SPTA1: variants seen among roughly 807,000 people sequenced by gnomAD.
The protein encoded by SPTA1 is spectrin alpha chain, erythrocytic 1.
SPTA1 carries 177 observed loss-of-function variants against 324.7 expected under a neutral mutation model. That is an observed-to-expected ratio of 0.55 (90% CI 0.48 to 0.62). The LOEUF (loss-of-function observed/expected upper bound fraction) is 0.62. Among genes scored for constraint, SPTA1 ranks in the 20% least tolerant of loss-of-function variants. The pLI, the probability that SPTA1 is intolerant of heterozygous loss-of-function variation, is 0.00. For synonymous variants in SPTA1, 1,195 were observed against 1,041.3 expected (o/e 1.15, Z -2.84); for missense variants, 3,162 against 2,883.6 (o/e 1.10, Z -2.21).
rs148156245 is a variant in SPTA1 at position 158,669,796 on chromosome 1, T to G, written c.1600-10A>C. ...CAGTCTTGTCTACAGTCTGAAAAAA[T>G]AAAAATAAAAATGAATGCTTTTCCT... On this transcript the variant is annotated splice_polypyrimidine_tract_variant and intron_variant, in intron 12 of 51. Transcript: ENST00000643759. 6.2e-7 allele frequency: 1 copy of G among 1,613,448 alleles called. No individual in the cohort carries two copies. The highest frequency in any genetic ancestry group is 8.5e-7 in the Non-Finnish European group (1 of 1,179,554).
Position 158,630,053 on chromosome 1 carries a change from T to C in SPTA1, c.5566-2330A>G, listed in dbSNP as rs943915386. 5.9e-5 allele frequency among the ~76,000 whole-genome samples: 9 copies of C among 152,094 alleles called. No individual in the cohort carries two copies. In the East Asian group the frequency reaches 1.7e-3, roughly 29 times the overall value. The stretch of plus-strand genomic sequence containing the variant: ...GTTCATGGATTAGAAGATTTAATAT[T>C]GTTAAAATGTGAATACTACCCAAAG... On this transcript the variant is annotated intron_variant, in intron 39 of 51. Transcript: ENST00000643759.
At chr1:158,616,971 C>T (rs770100767) in intron 47 of SPTA1, among the ~76,000 whole-genome samples, 14 of 151,816 alleles carry the variant, frequency 9.2e-5, no homozygotes, top group Non-Finnish European at 1.5e-4. Context: ...ATCGTATTCT[C>T]TAGTATTTCA....
In SPTA1 at chr1:158,659,832, G is replaced by A. The variant is rs1215249768; in HGVS notation, c.2587+1455C>T. Among the ~76,000 whole-genome samples, 13 of 62,672 alleles carry A rather than the reference G, an allele frequency of 2.1e-4. 3 individuals are homozygous for A. In the East Asian group the frequency reaches 2.3e-3, roughly 11 times the overall value. The allele number at this position is 62,672 out of a possible 152,430, so 41.1% of individuals were successfully genotyped here. ...TCACCTTGTTAGCCAGGATGGTCTC[G>A]ATCTCCTGACCTCATGATCCACTCG... On this transcript the variant is annotated intron_variant, in intron 18 of 51. Coordinates refer to ENST00000643759, the MANE Select transcript of SPTA1 (RefSeq NM_003126.4).
intron 33 of SPTA1, 66 bp downstream of exon 33, chr1:158,642,345 A>G: frequency 6.6e-7 from 1 of 1,505,418 alleles, no homozygotes; most frequent in Non-Finnish European, 8.9e-7. Context: ...TAAATTAAAA[A>G]AAAAGAAAGA....
chr1:158,671,237 G>T, intron 12 of SPTA1, 106 bp downstream of exon 12: 1 of 784,476 alleles, frequency 1.3e-6, no homozygotes, highest in Non-Finnish European at 2.2e-6. Context: ...ATAATCCTCA[G>T]GCTATGTCTG....
chr1:158,631,066 A>C (rs1294381999), intron 39 of SPTA1, among the ~76,000 whole-genome samples: 2 of 152,122 alleles, frequency 1.3e-5, no homozygotes, highest in East Asian at 3.9e-4. Context: ...AACAGTATGG[A>C]GATTCCTTAA....
intron 16 of SPTA1, among the ~76,000 whole-genome samples, chr1:158,663,455 C>T (rs759071891): frequency 5.9e-5 from 9 of 152,144 alleles, no homozygotes; most frequent in Admixed American, 2.0e-4. Flanking sequence ...ATAAATTTAA[C>T]GGAGTGCCTT....
At chr1:158,632,399 T>A (rs1557935713) in intron 39 of SPTA1, among the ~76,000 whole-genome samples, 1 of 152,198 alleles carries the variant, frequency 6.6e-6, no homozygotes, top group Non-Finnish European at 1.5e-5. Context: ...CAATAATATG[T>A]TATACACGTA....
chr1:158,655,498 T>A (rs947771027), intron 20 of SPTA1, among the ~76,000 whole-genome samples: 1 of 152,144 alleles, frequency 6.6e-6, no homozygotes, highest in Non-Finnish European at 1.5e-5. Context: ...TTTCATCTCC[T>A]TTAGGTAACA....
intron 35 of SPTA1, among the ~76,000 whole-genome samples, chr1:158,638,467 G>A (rs551268755): frequency 5.9e-5 from 9 of 152,206 alleles, no homozygotes; most frequent in African/African-American, 2.2e-4. Flanking sequence ...TGTACATTTA[G>A]CCTGTGTCCT....
intron 42 of SPTA1, among the ~76,000 whole-genome samples, chr1:158,624,277 A>C (rs1009201012): frequency 6.6e-6 from 1 of 152,166 alleles, no homozygotes; most frequent in African/African-American, 2.4e-5. Context: ...AGATCCACCA[A>C]CAGCTTGCAA....
intron 2 of SPTA1, 88 bp downstream of exon 2, chr1:158,685,020 A>G: frequency 6.8e-7 from 1 of 1,479,030 alleles, no homozygotes. Flanking sequence ...ACCCACACAT[A>G]CCCATTAACA....
At chr1:158,663,071 A>C in intron 16 of SPTA1, 126 bp from the exon 17 acceptor site, 1 of 1,338,882 alleles carries the variant, frequency 7.5e-7, no homozygotes, top group Non-Finnish European at 1.0e-6. Flanking sequence ...CTGATCTCTA[A>C]TTAAATCAGT....
intron 38 of SPTA1, 21 bp downstream of exon 38, chr1:158,635,892 G>A: frequency 6.2e-7 from 1 of 1,614,074 alleles, no homozygotes; most frequent in Non-Finnish European, 8.5e-7. Context: ...AAGGGAACTG[G>A]GCCTTCTGTA....
intron 42 of SPTA1, among the ~76,000 whole-genome samples, chr1:158,624,502 T>C (rs1053965891): frequency 2.0e-5 from 3 of 152,220 alleles, no homozygotes; most frequent in African/African-American, 4.8e-5. Flanking sequence ...CAGACTTGTA[T>C]GAGGCCTGTA....
Position 158,612,912 on chromosome 1 carries a change from C to A in SPTA1, c.7039G>T (p.Glu2347Ter), listed in dbSNP as rs754761746. The change falls in exon 51 of 52, where the codon GAG (glutamate) becomes TAG (stop). Residue 2347 changes from glutamate (E) to a stop codon, truncating the protein, a stop_gained. Coordinates refer to ENST00000643759, the MANE Select transcript of SPTA1 (RefSeq NM_003126.4). LOFTEE classifies it high-confidence loss of function. ...EDYTAFLIDK[E>*]SENIKSSDEI... ...TCACTGGACTTGATGTTTTCTGACT[C>A]CTTGTCAATCAGGAAAGCAGTATAG... The A allele has an allele frequency of 1.2e-6, 2 of 1,613,926 alleles. No homozygotes were observed. Among genetic ancestry groups the A allele is most frequent in the Non-Finnish European group, 1.7e-6 (2 of 1,179,884 alleles).
Position 158,644,331 on chromosome 1 carries a change from T to G in SPTA1, c.4260A>C (p.Ser1420=), listed in dbSNP as rs1651836277. ...WMVARENSLR[S]DDKSSLDSLE... is the part of the protein sequence containing the mutation. ...GACTGTCTAAGGAACTTTTGTCATC[T>G]GACCTCAGGGAATTCTCACGTGCCA... Residue 1420 remains serine (S), a synonymous_variant, in exon 30 of 52, where the codon TCA becomes TCC. Transcript: ENST00000643759. The G allele has an allele frequency of 2.5e-6, 4 of 1,613,836 alleles. No individual in the cohort carries two copies. Among genetic ancestry groups the G allele is most frequent in the Non-Finnish European group, 3.4e-6 (4 of 1,179,906 alleles).
intron 42 of SPTA1, among the ~76,000 whole-genome samples, chr1:158,623,981 G>A (rs1650093414): frequency 6.6e-6 from 1 of 152,238 alleles, no homozygotes. Context: ...GTGCAACTCA[G>A]ATCATGGCTT....
chr1:158,645,555 T>C lies in SPTA1; in HGVS notation c.3936A>G (p.Val1312=), dbSNP rs751984869. ...AGTCTTCGGCCAGCTCCTGTGATGA[T>C]ACCATGCCACCAATGCTACTGATCC... is the stretch of plus-strand genomic sequence containing the variant. ...QNWISSIGGM[V]SSQELAEDLT... The change falls in exon 28 of 52, where the codon GTA becomes GTG. Residue 1312 remains valine, a synonymous_variant. Coordinates refer to ENST00000643759, the MANE Select transcript of SPTA1 (RefSeq NM_003126.4). 10 of 1,613,922 alleles carry C rather than the reference T, an allele frequency of 6.2e-6. No individual in the cohort carries two copies. The East Asian group carries it at 1.1e-4, about 18-fold the overall frequency.
Sources: gnomAD v4.1 joint callset for allele counts (sites outside exome capture counted in the v4.1 genomes callset) on GRCh38, gnomAD v4.1.1 for gene constraint, MANE v1.5 for transcripts, NCBI Gene and HGNC (gene_info 2026-07-23, HGNC 2026-07-21) for gene names.